The following ZPLD1 variants were observed in gnomAD, a reference collection of about 807,000 sequenced individuals.
ZPLD1 encodes the protein zona pellucida like domain containing 1, also known as zona pellucida-like domain-containing protein 1.
Under a neutral mutation model 47.2 loss-of-function variants are expected in ZPLD1, and 34 were observed. The observed-to-expected ratio is 0.72, with a 90% confidence interval of 0.55 to 0.96. The LOEUF is 0.96. Among genes scored for constraint, ZPLD1 ranks in the 40% least tolerant of loss-of-function variants. The pLI is 0.00. For missense variants in ZPLD1, 512 were observed against 505.8 expected, an observed-to-expected ratio of 1.01 and a Z score of -0.12; for synonymous variants, 176 against 186.2, an observed-to-expected ratio of 0.95 and a Z score of 0.45.
intron 8 of ZPLD1, among the ~76,000 whole-genome samples, chr3:102,466,082 T>C (rs1425966253): frequency 2.0e-5 from 3 of 152,128 alleles, no homozygotes; most frequent in Admixed American, 6.5e-5. Flanking sequence ...CCAGGAAAAG[T>C]ATACCTTCTA....
chr3:102,467,887 A>G (rs936780240), intron 8 of ZPLD1, among the ~76,000 whole-genome samples: 1 of 150,572 alleles, frequency 6.6e-6, no homozygotes, highest in Non-Finnish European at 1.5e-5. Flanking sequence ...GGAATGTCCA[A>G]AGCCAAATAA....
In ZPLD1 at chr3:102,479,740, T is replaced by A. The variant is rs966260177; in HGVS notation, c.*2122T>A. The stretch of plus-strand genomic sequence containing the variant: ...AAACCTTACAAAATATGTGCAAATG[T>A]TTCTTCAGTTTTAATACCTCAAACT... On this transcript the variant is annotated 3_prime_UTR_variant, in exon 12 of 12. Coordinates refer to ENST00000466937, the MANE Select transcript of ZPLD1 (RefSeq NM_001329788.2). 6.6e-6 allele frequency: 1 copy of A among 152,182 alleles called. No homozygotes were observed. The highest frequency in any genetic ancestry group is 2.4e-5 in the African/African-American group (1 of 41,444). The allele number at this position is 152,182 out of a possible 1,614,324, so 9.4% of individuals were successfully genotyped here.
intron 7 of ZPLD1, among the ~76,000 whole-genome samples, chr3:102,400,883 G>T (rs1706612109): frequency 6.6e-6 from 1 of 151,970 alleles, no homozygotes; most frequent in African/African-American, 2.4e-5. Context: ...TCTCCCTTTG[G>T]CCTATGATAT....
chr3:102,434,904 C>G (rs1442863428), upstream of ZPLD1: 1 of 511,602 alleles, frequency 2.0e-6, no homozygotes, highest in African/African-American at 1.9e-5. Flanking sequence ...TGAAAAGAAA[C>G]TCCACTAAAC....
chr3:102,430,106 G>A (rs1246194565), upstream of ZPLD1, among the ~76,000 whole-genome samples: 3 of 152,190 alleles, frequency 2.0e-5, no homozygotes, highest in African/African-American at 7.2e-5. Context: ...CGGCCCTGCT[G>A]CCTACAGGGA....
At position 102,477,448 on chromosome 3, in the gene ZPLD1, C is replaced by T. The variant is rs1311621126; in HGVS notation, c.1078C>T (p.Pro360Ser). The change falls in exon 12 of 12, where the codon CCA becomes TCA. Residue 360 changes from proline to serine, a missense_variant. By Grantham distance (74) the Pro-to-Ser change is moderately conservative. Coordinates refer to ENST00000466937, the MANE Select transcript of ZPLD1 (RefSeq NM_001329788.2). ...GTGTGTTTTATTATTTGCAGGTTCTCCAAGTATGCCTCCCTTCCAGCTGAA... is the reference window on the plus strand; with the variant it reads ...GTGTGTTTTATTATTTGCAGGTTCTTCAAGTATGCCTCCCTTCCAGCTGAA... ...TPTNNSQLGSPSMPPFQLNAI... is the reference protein window; with the variant it reads ...TPTNNSQLGSSSMPPFQLNAI... 2 of 1,611,358 alleles carry T rather than the reference C, an allele frequency of 1.2e-6. No homozygotes were observed. Among genetic ancestry groups the T allele is most frequent in the South Asian group, 1.1e-5 (1 of 90,612 alleles).
chr3:102,399,420 T>C (rs1289496553), intron 7 of ZPLD1, among the ~76,000 whole-genome samples: 1 of 152,088 alleles, frequency 6.6e-6, no homozygotes, highest in Non-Finnish European at 1.5e-5. Context: ...CAGGACATCT[T>C]GTCTACAGAG....
chr3:102,406,924 G>A (rs1401172323), intron 7 of ZPLD1, among the ~76,000 whole-genome samples: 1 of 151,760 alleles, frequency 6.6e-6, no homozygotes. Context: ...AATGTTATCA[G>A]AAGTAAGAGC....
chr3:102,426,601 G>T (rs375260015), intron 8 of ZPLD1, among the ~76,000 whole-genome samples: 1 of 151,744 alleles, frequency 6.6e-6, no homozygotes, highest in East Asian at 1.9e-4. Flanking sequence ...TTGTATAATG[G>T]TTATCTTCAT....
intron 7 of ZPLD1, among the ~76,000 whole-genome samples, chr3:102,463,147 T>C (rs1707535607): frequency 6.6e-6 from 1 of 152,212 alleles, no homozygotes; most frequent in African/African-American, 2.4e-5. Flanking sequence ...TTAGTATTTT[T>C]TTTATAACAT....
At chr3:102,450,527 G>A (rs1292904053) in intron 3 of ZPLD1, among the ~76,000 whole-genome samples, 1 of 152,122 alleles carries the variant, frequency 6.6e-6, no homozygotes, top group Non-Finnish European at 1.5e-5. Context: ...GAGAGAGGGA[G>A]GAGCATGCAG....
At chr3:102,400,331 GTC>G (rs773522411) in intron 7 of ZPLD1, among the ~76,000 whole-genome samples, 10 of 152,068 alleles carry the variant, frequency 6.6e-5, no homozygotes, top group Non-Finnish European at 1.3e-4. Flanking sequence ...GTTGAACACA[GTC>G]TCTCACATTT....
At chr3:102,470,616 C>A in intron 10 of ZPLD1, 114 bp downstream of exon 10, 1 of 746,172 alleles carries the variant, frequency 1.3e-6, no homozygotes, top group Non-Finnish European at 2.2e-6. Context: ...AATTGTGAGA[C>A]AAGATAAACT....
chr3:102,458,586 G>A lies in ZPLD1; in HGVS notation c.582+733G>A, dbSNP rs571064033. ...TTATTATTCATGTCATCATGGCACT[G>A]AGTTATAATTCATGCAACTGATTTA... is the stretch of plus-strand genomic sequence containing the variant. On this transcript the variant is annotated intron_variant, in intron 6 of 11. Coordinates refer to ENST00000466937, the MANE Select transcript of ZPLD1 (RefSeq NM_001329788.2). Among the ~76,000 whole-genome samples, 4 of 152,216 alleles carry A rather than the reference G, an allele frequency of 2.6e-5. No homozygotes were observed. In the South Asian group the frequency reaches 8.3e-4, roughly 32 times the overall value.
At chr3:102,441,121 C>A (rs891054500) in intron 3 of ZPLD1, among the ~76,000 whole-genome samples, 2 of 152,018 alleles carry the variant, frequency 1.3e-5, no homozygotes, top group Non-Finnish European at 2.9e-5. Flanking sequence ...AAGCCATGAC[C>A]CTGTTATGGA....
At chr3:102,389,956 T>A (rs551408332) in intron 6 of ZPLD1, among the ~76,000 whole-genome samples, 1 of 152,252 alleles carries the variant, frequency 6.6e-6, no homozygotes, top group East Asian at 1.9e-4. Context: ...GATAGCATAT[T>A]GGATATTGAA....
chr3:102,473,028 G>A (rs1707708139), intron 10 of ZPLD1, among the ~76,000 whole-genome samples: 1 of 152,136 alleles, frequency 6.6e-6, no homozygotes, highest in Non-Finnish European at 1.5e-5. Flanking sequence ...TGGCAGGCAA[G>A]AGGGCATGTG....
chr3:102,387,980 C>A (rs1001288759), intron 6 of ZPLD1, among the ~76,000 whole-genome samples: 1 of 151,614 alleles, frequency 6.6e-6, no homozygotes, highest in African/African-American at 2.4e-5. Context: ...CCTGCCTCAG[C>A]CTCCCAAGTA....
chr3:102,423,774 A>G (rs971016535), intron 8 of ZPLD1, among the ~76,000 whole-genome samples: 23 of 152,050 alleles, frequency 1.5e-4, no homozygotes, highest in African/African-American at 5.3e-4. Flanking sequence ...GAGTTTTTCA[A>G]TGGTGGCATG....
Sources: gnomAD v4.1 joint callset for allele counts (sites outside exome capture counted in the v4.1 genomes callset) on GRCh38, gnomAD v4.1.1 for gene constraint, MANE v1.5 for transcripts, NCBI Gene and HGNC (gene_info 2026-07-23, HGNC 2026-07-21) for gene names.